The following ARHGAP44 variants were observed in gnomAD, a reference collection of about 807,000 sequenced individuals.
ARHGAP44 encodes Rho GTPase activating protein 44, also known as rho GTPase-activating protein 44.
In ARHGAP44, 43 loss-of-function variants were observed where a neutral mutation model predicts 106.8. That is an observed-to-expected ratio of 0.40 (90% CI 0.32 to 0.52). The LOEUF (loss-of-function observed/expected upper bound fraction) is 0.52, where lower values mean the gene tolerates loss of function less well. Among genes scored for constraint, ARHGAP44 ranks in the 20% least tolerant of loss-of-function variants. The pLI, the probability that ARHGAP44 is intolerant of heterozygous loss-of-function variation, is 0.48. For synonymous variants in ARHGAP44, 439 were observed against 410.3 expected, an observed-to-expected ratio of 1.07 and a Z score of -0.85; for missense variants, 866 against 1,050.5, an observed-to-expected ratio of 0.82 and a Z score of 2.43.
rs1273731686 is a variant in ARHGAP44 at position 12,894,927 on chromosome 17, A to G, written c.54-13A>G. On this transcript the variant is annotated splice_polypyrimidine_tract_variant and intron_variant, in intron 1 of 20. Transcript: ENST00000379672. Reference sequence around the variant, plus strand: ...AGTTTTGTTACTGATATGTTTCTCAATGTTCTTTTTAGGGCTGAAAAGACA... The same window carrying G: ...AGTTTTGTTACTGATATGTTTCTCAGTGTTCTTTTTAGGGCTGAAAAGACA... The G allele has an allele frequency of 1.9e-6, 3 of 1,579,214 alleles. No homozygotes were observed. The highest frequency in any genetic ancestry group is 1.8e-5 in the Admixed American group (1 of 54,532).
chr17:12,961,831 A>G (rs79301849), intron 16 of ARHGAP44, among the ~76,000 whole-genome samples: 3,033 of 152,244 alleles, frequency 0.02, 100 homozygotes, highest in African/African-American at 0.067. Flanking sequence ...GTTTTAAGGA[A>G]GTGTAGTGAA....
chr17:12,976,364 G>A, intron 18 of ARHGAP44, among the ~76,000 whole-genome samples: 1 of 152,052 alleles, frequency 6.6e-6, no homozygotes, highest in East Asian at 1.9e-4. Flanking sequence ...TGTAATCCCA[G>A]CACTTTGGGA....
intron 20 of ARHGAP44, among the ~76,000 whole-genome samples, chr17:12,989,442 TAATA>T (rs1285621756): frequency 5.3e-5 from 8 of 152,316 alleles, no homozygotes; most frequent in African/African-American, 1.2e-4. Flanking sequence ...TTAATGCTCC[TAATA>T]AATAAGGATG....
intron 1 of ARHGAP44, among the ~76,000 whole-genome samples, chr17:12,866,028 A>T (rs1032270386): frequency 6.6e-5 from 10 of 152,176 alleles, no homozygotes; most frequent in Non-Finnish European, 8.8e-5. Flanking sequence ...TCAAATCTCA[A>T]CCAAACTCAA....
rs377633641 is a variant in ARHGAP44, at chr17:12,899,303, A to G, written c.198+2792A>G. On this transcript the variant is annotated intron_variant, in intron 3 of 20. Transcript: ENST00000379672. ...GGATTTTAAGTGCTTGATTTTGTCAATGATTTCTTATGCTGATTCATCTTT... is the reference window on the plus strand; with the variant it reads ...GGATTTTAAGTGCTTGATTTTGTCAGTGATTTCTTATGCTGATTCATCTTT... Among the ~76,000 whole-genome samples the G allele has an allele frequency of 4.6e-5, 7 of 152,156 alleles. No individual in the cohort carries two copies. In the East Asian group the frequency reaches 7.7e-4, roughly 17 times the overall value.
intron 18 of ARHGAP44, among the ~76,000 whole-genome samples, chr17:12,974,669 T>C (rs142090042): frequency 6.6e-6 from 1 of 152,274 alleles, no homozygotes; most frequent in East Asian, 1.9e-4. Flanking sequence ...CCCCAGCGCA[T>C]ATCTGAAACA....
chr17:12,885,495 C>T (rs1211519645), intron 1 of ARHGAP44, among the ~76,000 whole-genome samples: 1 of 150,860 alleles, frequency 6.6e-6, no homozygotes, highest in Non-Finnish European at 1.5e-5. Flanking sequence ...TGTGAGAGTT[C>T]CAGTTATTCC....
chr17:12,842,111 G>A (rs2035426233), intron 1 of ARHGAP44, among the ~76,000 whole-genome samples: 1 of 150,902 alleles, frequency 6.6e-6, no homozygotes, highest in African/African-American at 2.4e-5. Flanking sequence ...CCAAAGATTT[G>A]ATGTCATTGG....
At chr17:12,891,582 T>C (rs1449826442) in intron 1 of ARHGAP44, among the ~76,000 whole-genome samples, 1 of 152,188 alleles carries the variant, frequency 6.6e-6, no homozygotes, top group African/African-American at 2.4e-5. Flanking sequence ...CCTCTTAGGC[T>C]TCACCTTTCA....
At position 12,962,117 on chromosome 17, in the gene ARHGAP44, A is replaced by C. The variant is rs2039278482; in HGVS notation, c.1523+3220A>C. 3.9e-5 allele frequency among the ~76,000 whole-genome samples: 6 copies of C among 152,118 alleles called. No homozygotes were observed. In the South Asian group the frequency reaches 1.2e-3, roughly 32 times the overall value. On this transcript the variant is annotated intron_variant, in intron 16 of 20. Coordinates refer to ENST00000379672, the MANE Select transcript of ARHGAP44 (RefSeq NM_014859.6). Reference sequence around the variant, plus strand: ...TATGAATTATATATCAATAAAGCAGATACTTATTTAAAAAGAAGAAAATTG... The same window carrying C: ...TATGAATTATATATCAATAAAGCAGCTACTTATTTAAAAAGAAGAAAATTG...
chr17:12,841,957 A>G (rs373700258), intron 1 of ARHGAP44, among the ~76,000 whole-genome samples: 187 of 152,272 alleles, frequency 1.2e-3, no homozygotes, highest in African/African-American at 4.4e-3. Flanking sequence ...ATACAAAGCC[A>G]AGGAAATTCA....
rs865953759 is a variant in ARHGAP44, at chr17:12,974,094, G to C, written c.1547G>C (p.Gly516Ala). The C allele has an allele frequency of 6.4e-7, 1 of 1,565,574 alleles. No homozygotes were observed. The highest frequency in any genetic ancestry group is 8.7e-7 in the Non-Finnish European group (1 of 1,155,022). ...KDGLRKIQSM[G>A]VRVMDTNWVA... Reference sequence around the variant, plus strand: ...GTCTTTGTGTCCCTCGCCAGCATGGGTGTGAGGGTCATGGACACAAACTGG... The same window carrying C: ...GTCTTTGTGTCCCTCGCCAGCATGGCTGTGAGGGTCATGGACACAAACTGG... Residue 516 changes from glycine (G) to alanine (A), a missense_variant, in exon 18 of 21, where the codon GGT becomes GCT. Gly to Ala is a moderately conservative substitution (Grantham distance 60). Transcript: ENST00000379672.
In ARHGAP44 at chr17:12,974,160, GCGCCCCGCCCTCCATGCAGCCTCC is replaced by G. The variant is rs2039605554; in HGVS notation, c.1624_1647del (p.Ser542_Pro549del). On this transcript the variant is annotated inframe_deletion, in exon 18 of 21. Coordinates refer to ENST00000379672, the MANE Select transcript of ARHGAP44 (RefSeq NM_014859.6). ...TCCTCGGCCGGTCGGAAAGTGTCCT[GCGCCCCGCCCTCCATGCAGCCTCC>G]CGCCCCGCCCGCCGAGCTGGCTGCG... 3.9e-6 allele frequency: 6 copies of G among 1,555,634 alleles called. No individual in the cohort carries two copies. Among genetic ancestry groups the G allele is most frequent in the Non-Finnish European group, 4.3e-6 (5 of 1,150,232 alleles).
At chr17:12,880,740 C>T (rs1047042867) in intron 1 of ARHGAP44, among the ~76,000 whole-genome samples, 3 of 151,988 alleles carry the variant, frequency 2.0e-5, no homozygotes, top group African/African-American at 7.2e-5. Context: ...GATTAGTGTG[C>T]ATCACATGTA....
chr17:12,806,100 C>T (rs2034266095), intron 1 of ARHGAP44, among the ~76,000 whole-genome samples: 1 of 152,154 alleles, frequency 6.6e-6, no homozygotes, highest in Non-Finnish European at 1.5e-5. Context: ...ACTATATCTG[C>T]TGTGTTCTAA....
chr17:12,962,612 T>G (rs1398145845), intron 16 of ARHGAP44, among the ~76,000 whole-genome samples: 2 of 152,110 alleles, frequency 1.3e-5, no homozygotes, highest in East Asian at 3.9e-4. Flanking sequence ...AGAGGAAATG[T>G]GAAGATGGAA....
chr17:12,872,560 G>A (rs1222371562), intron 1 of ARHGAP44, among the ~76,000 whole-genome samples: 1 of 152,154 alleles, frequency 6.6e-6, no homozygotes, highest in Non-Finnish European at 1.5e-5. Context: ...TTTTCATTCA[G>A]TACTTTGGAA....
At chr17:12,939,039 T>C (rs2038632375) in intron 7 of ARHGAP44, among the ~76,000 whole-genome samples, 1 of 152,196 alleles carries the variant, frequency 6.6e-6, no homozygotes. Flanking sequence ...TCTTTGTTTT[T>C]CTCTGACTTG....
In ARHGAP44 at chr17:12,812,572, A is replaced by G. The variant is rs538895576; in HGVS notation, c.53+22681A>G. Among the ~76,000 whole-genome samples the G allele has an allele frequency of 3.9e-5, 6 of 152,336 alleles. No individual in the cohort carries two copies. The South Asian group carries it at 1.0e-3, about 26-fold the overall frequency. ...ATGCAGCAATATGCAGCCACCTCCA[A>G]GACACGCTGACAGGGGAACAGAGCA... is the stretch of plus-strand genomic sequence containing the variant. On this transcript the variant is annotated intron_variant, in intron 1 of 20. Coordinates refer to ENST00000379672, the MANE Select transcript of ARHGAP44 (RefSeq NM_014859.6).
Sources: allele counts gnomAD v4.1 joint callset (sites outside exome capture counted in the v4.1 genomes callset), GRCh38; gene constraint gnomAD v4.1.1; transcripts MANE v1.5; gene names NCBI Gene and HGNC (gene_info 2026-07-23, HGNC 2026-07-21).